TNC: variants seen among roughly 807,000 people sequenced by gnomAD.
TNC encodes tenascin C, also known as tenascin.
Under a neutral mutation model 202.4 loss-of-function variants are expected in TNC, and 109 were observed. The observed-to-expected ratio is 0.54, with a 90% CI of 0.46 to 0.63. TNC has a LOEUF of 0.63. Among genes scored for constraint, TNC ranks in the 30% least tolerant of loss-of-function variants. TNC has a pLI of 0.00. For missense variants in TNC, 2,756 were observed against 2,833.3 expected, an observed-to-expected ratio of 0.97 and a Z score of 0.62; for synonymous variants, 1,007 against 1,089.7, an observed-to-expected ratio of 0.92 and a Z score of 1.50.
At chr9:115,100,627 G>A (rs1836154329) in intron 1 of TNC, among the ~76,000 whole-genome samples, 1 of 152,154 alleles carries the variant, frequency 6.6e-6, no homozygotes, top group African/African-American at 2.4e-5. Flanking sequence ...AGACCATTGG[G>A]AGGCCTTCAA....
At chr9:115,027,833 T>G (rs1829630736) in intron 25 of TNC, among the ~76,000 whole-genome samples, 1 of 152,122 alleles carries the variant, frequency 6.6e-6, no homozygotes, top group African/African-American at 2.4e-5. Context: ...TGTTCATTGG[T>G]TAGACTCCTA....
chr9:115,103,595 TCA>T (rs773266825), intron 1 of TNC, among the ~76,000 whole-genome samples: 32 of 152,192 alleles, frequency 2.1e-4, no homozygotes, highest in Non-Finnish European at 4.0e-4. Flanking sequence ...TCTTGAGGTC[TCA>T]GTTTCTCTTG....
At chr9:115,112,822 AAT>A (rs1252515551) in intron 1 of TNC, 1 of 152,392 alleles carries the variant, frequency 6.6e-6, no homozygotes, top group Non-Finnish European at 1.5e-5. Flanking sequence ...CAGGGAAGGC[AAT>A]CATAGGGGTA....
chr9:115,104,783 C>T (rs1432362530), intron 1 of TNC, among the ~76,000 whole-genome samples: 1 of 152,102 alleles, frequency 6.6e-6, no homozygotes, highest in African/African-American at 2.4e-5. Flanking sequence ...GTGGTTCAAG[C>T]ACTGGTTAAG....
intron 4 of TNC, among the ~76,000 whole-genome samples, chr9:115,083,556 C>A (rs1834469291): frequency 6.6e-6 from 1 of 150,812 alleles, no homozygotes; most frequent in South Asian, 2.1e-4. Flanking sequence ...ATGGGGTTAA[C>A]AATAGCTCCT....
At chr9:115,045,877 T>G (rs527399111) in intron 17 of TNC, among the ~76,000 whole-genome samples, 78 of 152,284 alleles carry the variant, frequency 5.1e-4, no homozygotes, top group Middle Eastern at 3.4e-3. Context: ...CCGTACTGAT[T>G]ATTCACATGT....
chr9:115,030,140 A>T, intron 24 of TNC, 114 bp downstream of exon 24: 2 of 1,136,410 alleles, frequency 1.8e-6, no homozygotes, highest in Non-Finnish European at 2.4e-6. Flanking sequence ...GCAAGGCCTC[A>T]CACATGGGGG....
chr9:115,087,362 T>A, intron 2 of TNC, 89 bp from the exon 3 acceptor site: 1 of 1,364,108 alleles, frequency 7.3e-7, no homozygotes, highest in Non-Finnish European at 1.0e-6. Flanking sequence ...CAAATTCAGC[T>A]GAAGGACGGT....
At chr9:115,111,399 C>CTCTTTTTTTTTTTTTTTT (rs1174066886) in intron 1 of TNC, among the ~76,000 whole-genome samples, 3 of 71,360 alleles carry the variant, frequency 4.2e-5, no homozygotes, top group African/African-American at 1.8e-4. Flanking sequence ...CTCTCTCTCT[C>CTCTTTTTTTTTTTTTTTT]TTTTTTTTTT....
chr9:115,111,399 C>CTTTTTTTTTTTTTTTTTTTTTTTTTT (rs71375272), intron 1 of TNC, among the ~76,000 whole-genome samples: 1 of 71,360 alleles, frequency 1.4e-5, no homozygotes, highest in African/African-American at 6.0e-5. Context: ...CTCTCTCTCT[C>CTTTTTTTTTTTTTTTTTTTTTTTTTT]TTTTTTTTTT....
intron 15 of TNC, chr9:115,055,402 G>T (rs1479791087): frequency 1.3e-5 from 2 of 152,574 alleles, no homozygotes; most frequent in African/African-American, 4.8e-5. Flanking sequence ...GGTGAAAAGT[G>T]GGTAGCGGGT....
At chr9:115,111,551 G>A in intron 1 of TNC, among the ~76,000 whole-genome samples, 1 of 151,660 alleles carries the variant, frequency 6.6e-6, no homozygotes, top group Admixed American at 6.6e-5. Context: ...TGGGATTACA[G>A]GTGCCCACCA....
intron 14 of TNC, 63 bp downstream of exon 14, chr9:115,059,667 A>G: frequency 6.7e-7 from 1 of 1,491,248 alleles, no homozygotes; most frequent in Non-Finnish European, 9.0e-7. Flanking sequence ...GACTCCGCGC[A>G]TGATCTCTTG....
At chr9:115,033,646 T>C (rs1830107462) in intron 22 of TNC, among the ~76,000 whole-genome samples, 2 of 152,210 alleles carry the variant, frequency 1.3e-5, no homozygotes, top group Admixed American at 1.3e-4. Flanking sequence ...GGAAGGGGCA[T>C]GATAGTTATT....
intron 2 of TNC, 121 bp downstream of exon 2, chr9:115,090,441 G>T: frequency 4.0e-6 from 3 of 755,404 alleles, no homozygotes; most frequent in Non-Finnish European, 6.5e-6. Flanking sequence ...TCTTTGTAAT[G>T]AACACTCTGG....
intron 4 of TNC, 35 bp from the exon 5 acceptor site, chr9:115,082,842 G>A: frequency 6.7e-7 from 1 of 1,492,884 alleles, no homozygotes; most frequent in East Asian, 2.3e-5. Context: ...CGTAAGGATA[G>A]GGCAGGTGTG....
At chr9:115,031,751 T>C in intron 22 of TNC, 66 bp from the exon 23 acceptor site, 1 of 1,561,102 alleles carries the variant, frequency 6.4e-7, no homozygotes, top group Non-Finnish European at 8.7e-7. Context: ...AGATAAGAAG[T>C]CATTCTATTT....
chr9:115,090,356 A>G (rs903691932), intron 2 of TNC, among the ~76,000 whole-genome samples: 66 of 152,194 alleles, frequency 4.3e-4, no homozygotes, highest in Admixed American at 2.6e-4. Context: ...TTCCTCTGAG[A>G]AGCAGTTGTC....
chr9:115,045,801 G>A (rs10817704), intron 17 of TNC, among the ~76,000 whole-genome samples: 11,399 of 151,748 alleles, frequency 0.075, 615 homozygotes, highest in African/African-American at 0.15. Flanking sequence ...GAGTATCAAA[G>A]TTAGAGAGCT....
Sources: allele counts gnomAD v4.1 joint callset (sites outside exome capture counted in the v4.1 genomes callset), GRCh38; gene constraint gnomAD v4.1.1; transcripts MANE v1.5; gene names NCBI Gene and HGNC (gene_info 2026-07-23, HGNC 2026-07-21).